The following MIA2 variants were observed in gnomAD, a reference collection of about 807,000 sequenced individuals.
MIA2 encodes the protein melanoma inhibitory activity protein 2.
MIA2 carries 127 observed loss-of-function variants against 167.8 expected under a neutral mutation model. The observed-to-expected ratio is 0.76, with a 90% confidence interval of 0.66 to 0.88. MIA2 has a LOEUF of 0.88. Ranked by LOEUF, MIA2 falls within the 40% of genes least tolerant of loss-of-function variation. The probability of loss-of-function intolerance (pLI) is 0.00; values close to 1 mark genes in which losing one functional copy is unlikely to be tolerated. For synonymous variants in MIA2, 552 were observed against 541.9 expected (o/e 1.02, Z -0.26); for missense variants, 1,690 against 1,624.7 (o/e 1.04, Z -0.69).
chr14:39,346,492 GCTGT>G (rs1241109855), intron 26 of MIA2, among the ~76,000 whole-genome samples: 1 of 151,912 alleles, frequency 6.6e-6, no homozygotes, highest in African/African-American at 2.4e-5. Context: ...TATTTGTCAG[GCTGT>G]CTTTTACTTA....
chr14:39,282,869 G>A (rs1361813142), intron 9 of MIA2, among the ~76,000 whole-genome samples: 1 of 152,062 alleles, frequency 6.6e-6, no homozygotes, highest in Non-Finnish European at 1.5e-5. Context: ...CACCATACCC[G>A]GCCATATTTT....
chr14:39,373,352 A>G (rs986979896), intron 23 of MIA2, among the ~76,000 whole-genome samples: 1 of 151,880 alleles, frequency 6.6e-6, no homozygotes, highest in Admixed American at 6.6e-5. Flanking sequence ...ACCAGAAGAC[A>G]TAATAGTCTG....
intron 11 of MIA2, 66 bp downstream of exon 11, chr14:39,293,447 T>C (rs964338110): frequency 1.9e-6 from 2 of 1,075,512 alleles, no homozygotes; most frequent in African/African-American, 3.2e-5. Flanking sequence ...AAAATTAATA[T>C]GATACTGGTT....
intron 21 of MIA2, among the ~76,000 whole-genome samples, chr14:39,317,009 T>G (rs973899639): frequency 6.6e-6 from 1 of 152,152 alleles, no homozygotes; most frequent in Non-Finnish European, 1.5e-5. Context: ...TAGTGAAGTC[T>G]TCTAAGGTAG....
intron 7 of MIA2, among the ~76,000 whole-genome samples, chr14:39,278,352 C>A (rs1005233841): frequency 6.6e-6 from 1 of 152,158 alleles, no homozygotes; most frequent in African/African-American, 2.4e-5. Flanking sequence ...CTCTTAACTT[C>A]TATTTTTCAA....
chr14:39,295,743 A>G (rs2061337761), intron 13 of MIA2, among the ~76,000 whole-genome samples: 1 of 151,988 alleles, frequency 6.6e-6, no homozygotes, highest in Non-Finnish European at 1.5e-5. Context: ...TATTTTTAGT[A>G]GAGATAGGGT....
intron 10 of MIA2, chr14:39,292,605 G>C: frequency 4.0e-6 from 1 of 252,448 alleles, no homozygotes; most frequent in Non-Finnish European, 7.7e-6. Flanking sequence ...CTGTAATGTA[G>C]TATGTATTTT....
chr14:39,280,373 C>T (rs1357287247), intron 9 of MIA2, among the ~76,000 whole-genome samples: 1 of 151,330 alleles, frequency 6.6e-6, no homozygotes, highest in Non-Finnish European at 1.5e-5. Flanking sequence ...TTTCATTTCT[C>T]TTCATAAGTA....
At chr14:39,269,805 G>A (rs1185755563) in intron 6 of MIA2, among the ~76,000 whole-genome samples, 1 of 152,184 alleles carries the variant, frequency 6.6e-6, no homozygotes, top group Non-Finnish European at 1.5e-5. Context: ...ACAGGCGTGA[G>A]CCACTTCGCC....
chr14:39,351,384 A>C (rs535502851), downstream of MIA2: 8 of 151,560 alleles, frequency 5.3e-5, no homozygotes, highest in South Asian at 2.1e-4. Flanking sequence ...ACCTCAAAAA[A>C]AAAAAACAAA....
At chr14:39,342,371 A>G (rs2072130408) in intron 25 of MIA2, among the ~76,000 whole-genome samples, 1 of 152,100 alleles carries the variant, frequency 6.6e-6, no homozygotes, top group Non-Finnish European at 1.5e-5. Flanking sequence ...ATAGTATTCC[A>G]TGGTGTATAT....
downstream of MIA2, among the ~76,000 whole-genome samples, chr14:39,355,002 C>T (rs1420928639): frequency 2.0e-5 from 3 of 152,096 alleles, no homozygotes; most frequent in Non-Finnish European, 4.4e-5. Context: ...CGTGATGCCT[C>T]CAGCTTTGTT....
intron 25 of MIA2, among the ~76,000 whole-genome samples, chr14:39,341,567 T>G (rs1345566854): frequency 6.6e-6 from 1 of 151,900 alleles, no homozygotes; most frequent in Non-Finnish European, 1.5e-5. Flanking sequence ...AGCTGTTGGG[T>G]GGAGGGTAAG....
At chr14:39,387,694 A>G (rs2075290815) in exon 24 of MIA2, 1 of 152,224 alleles carries the variant, frequency 6.6e-6, no homozygotes, top group African/African-American at 2.4e-5. Context: ...AAAAAGCTAT[A>G]AAACATCATG....
At chr14:39,357,507 G>T (rs900584156) in intron 23 of MIA2, among the ~76,000 whole-genome samples, 3 of 151,972 alleles carry the variant, frequency 2.0e-5, no homozygotes, top group Non-Finnish European at 4.4e-5. Flanking sequence ...TCTTCATTCA[G>T]TTTGCCAGTC....
chr14:39,269,073 A>ATTT, intron 6 of MIA2: 2 of 362,176 alleles, frequency 5.5e-6, no homozygotes, highest in Non-Finnish European at 6.7e-6. Flanking sequence ...TCACCTGCAC[A>ATTT]GTTTTTTTTT....
At chr14:39,237,885 G>A (rs536134829) in intron 2 of MIA2, among the ~76,000 whole-genome samples, 51 of 152,196 alleles carry the variant, frequency 3.4e-4, no homozygotes, top group African/African-American at 1.1e-3. Context: ...GATTACAGGC[G>A]TGTGCCACCA....
intron 24 of MIA2, among the ~76,000 whole-genome samples, chr14:39,322,398 G>A (rs1348617441): frequency 2.0e-5 from 3 of 152,032 alleles, no homozygotes; most frequent in East Asian, 3.9e-4. Context: ...GAAATCAGCT[G>A]GGTGTGGTGG....
chr14:39,255,978 C>T (rs1210028849), intron 6 of MIA2, among the ~76,000 whole-genome samples: 1 of 152,166 alleles, frequency 6.6e-6, no homozygotes, highest in East Asian at 1.9e-4. Flanking sequence ...GATGAGATCA[C>T]AGGCTGCTGG....
Sources: gnomAD v4.1 joint callset for allele counts (sites outside exome capture counted in the v4.1 genomes callset) on GRCh38, gnomAD v4.1.1 for gene constraint, MANE v1.5 for transcripts, NCBI Gene and HGNC (gene_info 2026-07-23, HGNC 2026-07-21) for gene names.